Variants in PTPRG observed in about 807,000 individuals in gnomAD.
PTPRG encodes the protein receptor-type tyrosine-protein phosphatase gamma.
Under a neutral mutation model 165.3 loss-of-function variants are expected in PTPRG, and 102 were observed. That is an observed-to-expected ratio of 0.62 (90% confidence interval 0.53 to 0.73). The LOEUF (loss-of-function observed/expected upper bound fraction) is 0.73, where lower values mean the gene tolerates loss of function less well. Ranked by LOEUF, PTPRG falls within the 30% of genes least tolerant of loss-of-function variation. PTPRG has a pLI of 0.00. For synonymous variants in PTPRG, 675 were observed against 669.5 expected (o/e 1.01, Z -0.13); for missense variants, 1,866 against 1,861.4 (o/e 1.00, Z -0.05).
intron 4 of PTPRG, among the ~76,000 whole-genome samples, chr3:62,062,772 T>G (rs6794249): frequency 6.6e-6 from 1 of 151,970 alleles, no homozygotes; most frequent in African/African-American, 2.4e-5. Flanking sequence ...AAGTGATTGC[T>G]CTACTTCAGC....
chr3:62,194,592 C>T (rs1357129745), intron 9 of PTPRG, among the ~76,000 whole-genome samples: 3 of 152,262 alleles, frequency 2.0e-5, no homozygotes, highest in East Asian at 3.9e-4. Context: ...CTGAGGCGGG[C>T]AGATGATCGA....
chr3:62,045,921 A>G (rs1015305275), intron 4 of PTPRG, among the ~76,000 whole-genome samples: 2 of 152,264 alleles, frequency 1.3e-5, no homozygotes, highest in African/African-American at 2.4e-5. Flanking sequence ...CCCAGTGACC[A>G]TTCAGCCAGG....
At chr3:62,284,651 T>C (rs1337377904) in intron 28 of PTPRG, among the ~76,000 whole-genome samples, 1 of 152,094 alleles carries the variant, frequency 6.6e-6, no homozygotes, top group Non-Finnish European at 1.5e-5. Flanking sequence ...TAAACATCAC[T>C]TCCTGATGGG....
intron 2 of PTPRG, among the ~76,000 whole-genome samples, chr3:61,943,104 C>CT (rs2039674264): frequency 6.6e-6 from 1 of 152,040 alleles, no homozygotes; most frequent in East Asian, 1.9e-4. Flanking sequence ...TTCATGACAA[C>CT]TTTTTTTTCC....
intron 2 of PTPRG, among the ~76,000 whole-genome samples, chr3:61,861,539 C>T (rs2037271142): frequency 1.3e-5 from 2 of 152,172 alleles, no homozygotes; most frequent in African/African-American, 4.8e-5. Flanking sequence ...GAAGCAGGGG[C>T]CACCTAAGAG....
chr3:61,994,302 G>A (rs1250239352), intron 3 of PTPRG, among the ~76,000 whole-genome samples: 2 of 152,060 alleles, frequency 1.3e-5, no homozygotes, highest in African/African-American at 4.8e-5. Flanking sequence ...TATTGGGAGG[G>A]TTTTTATTTT....
intron 8 of PTPRG, among the ~76,000 whole-genome samples, chr3:62,189,677 C>G (rs542570027): frequency 2.6e-5 from 4 of 152,290 alleles, no homozygotes; most frequent in Middle Eastern, 3.4e-3. Context: ...GCCATTGCCG[C>G]CCCTCCTCAC....
At chr3:61,654,091 C>T (rs899203966) in intron 1 of PTPRG, among the ~76,000 whole-genome samples, 4 of 152,114 alleles carry the variant, frequency 2.6e-5, no homozygotes, top group East Asian at 1.9e-4. Context: ...CTAATCTCTT[C>T]GGACCTCAGT....
rs549512433 is a variant in PTPRG, at chr3:61,977,092, C to T, written c.191-12533C>T. ...ATTTTCTCTTTAATCACCCCCTAGT[C>T]CCTGAGATTTTAATACCACAGATAG... On this transcript the variant is annotated intron_variant, in intron 2 of 29. Transcript: ENST00000474889. Among the ~76,000 whole-genome samples, 170 of 152,138 alleles carry T rather than the reference C, an allele frequency of 1.1e-3. 1 individual carries two copies. Among genetic ancestry groups the T allele is most frequent in the African/African-American group, 3.8e-3 (158 of 41,514 alleles).
chr3:61,907,834 A>C (rs1221511957), intron 2 of PTPRG, among the ~76,000 whole-genome samples: 1 of 152,108 alleles, frequency 6.6e-6, no homozygotes, highest in African/African-American at 2.4e-5. Context: ...TTATAAAGTC[A>C]GTATTTTGGA....
chr3:61,975,608 A>G (rs1233305496), intron 2 of PTPRG, among the ~76,000 whole-genome samples: 1 of 152,200 alleles, frequency 6.6e-6, no homozygotes, highest in Admixed American at 6.5e-5. Flanking sequence ...TGGAAGTCCT[A>G]AAATGAAACT....
intron 4 of PTPRG, among the ~76,000 whole-genome samples, chr3:62,041,807 A>C (rs962375341): frequency 6.6e-5 from 10 of 152,026 alleles, no homozygotes; most frequent in Non-Finnish European, 1.2e-4. Flanking sequence ...ATGGACTTTG[A>C]TGATGGTGAT....
At chr3:61,772,697 TA>T (rs2034245724) in intron 2 of PTPRG, among the ~76,000 whole-genome samples, 1 of 152,240 alleles carries the variant, frequency 6.6e-6, no homozygotes, top group Non-Finnish European at 1.5e-5. Flanking sequence ...TTCTGCAGTG[TA>T]GATAGACCAT....
chr3:62,269,209 T>A (rs1381206976), intron 20 of PTPRG, 40 bp downstream of exon 20: 1 of 1,513,924 alleles, frequency 6.6e-7, no homozygotes, highest in Admixed American at 1.9e-5. Flanking sequence ...GCATCCCCTT[T>A]TTATACTTGT....
intron 4 of PTPRG, among the ~76,000 whole-genome samples, chr3:62,059,099 A>G (rs62243314): frequency 0.18 from 28,099 of 152,190 alleles, 2,848 homozygotes; most frequent in Admixed American, 0.26. Context: ...TTCACCAGCT[A>G]TGTTCTTGAA....
chr3:62,107,451 C>CA (rs1559513787), intron 5 of PTPRG, among the ~76,000 whole-genome samples: 2 of 152,196 alleles, frequency 1.3e-5, no homozygotes, highest in African/African-American at 2.4e-5. Flanking sequence ...TTTTATAACT[C>CA]AAACAAAATG....
intron 2 of PTPRG, among the ~76,000 whole-genome samples, chr3:61,940,857 G>A (rs532946212): frequency 2.0e-5 from 3 of 151,882 alleles, no homozygotes; most frequent in African/African-American, 7.3e-5. Flanking sequence ...GTAGAGATGG[G>A]GTTTCACCGT....
chr3:62,117,470 C>T (rs923512781), intron 5 of PTPRG, among the ~76,000 whole-genome samples: 1 of 152,134 alleles, frequency 6.6e-6, no homozygotes, highest in African/African-American at 2.4e-5. Flanking sequence ...TTGTAAAAAG[C>T]TGTTTCTAGA....
chr3:61,686,818 G>A (rs1428227129), intron 1 of PTPRG, among the ~76,000 whole-genome samples: 2 of 152,140 alleles, frequency 1.3e-5, no homozygotes, highest in African/African-American at 4.8e-5. Context: ...GAAAAGCAGG[G>A]CGTACAACGG....
Sources: gnomAD v4.1 joint callset for allele counts (sites outside exome capture counted in the v4.1 genomes callset) on GRCh38, gnomAD v4.1.1 for gene constraint, MANE v1.5 for transcripts, NCBI Gene and HGNC (gene_info 2026-07-23, HGNC 2026-07-21) for gene names.